PACRG: variants seen among roughly 807,000 people sequenced by gnomAD.
PACRG encodes parkin coregulated gene protein.
PACRG carries 29 observed loss-of-function variants against 29.7 expected under a neutral mutation model. That is an observed-to-expected ratio of 0.98 (90% CI 0.73 to 1.33). The LOEUF (loss-of-function observed/expected upper bound fraction) is 1.33, where lower values mean the gene tolerates loss of function less well. PACRG is among the 40% of genes most tolerant of loss of function. PACRG has a pLI of 0.00. For missense variants in PACRG, 279 were observed against 316.2 expected (o/e 0.88, Z 0.89); for synonymous variants, 116 against 118.7 (o/e 0.98, Z 0.15).
intron 2 of PACRG, among the ~76,000 whole-genome samples, chr6:162,974,466 A>G (rs1463567833): frequency 6.6e-6 from 1 of 152,200 alleles, no homozygotes; most frequent in Non-Finnish European, 1.5e-5. Flanking sequence ...TCTTTATAGT[A>G]CTTTAAGAAT....
chr6:163,067,269 G>C (rs1187705338), intron 3 of PACRG, among the ~76,000 whole-genome samples: 1 of 152,206 alleles, frequency 6.6e-6, no homozygotes, highest in African/African-American at 2.4e-5. Flanking sequence ...TGTTGCTGCC[G>C]GGCTGAGGCA....
intron 2 of PACRG, among the ~76,000 whole-genome samples, chr6:162,823,607 G>A (rs1205169437): frequency 1.3e-5 from 2 of 151,564 alleles, no homozygotes; most frequent in Non-Finnish European, 2.9e-5. Context: ...CACCTCCTGG[G>A]TTCAAGCGAT....
chr6:162,857,780 T>G (rs1791527347), intron 2 of PACRG, among the ~76,000 whole-genome samples: 1 of 152,028 alleles, frequency 6.6e-6, no homozygotes, highest in East Asian at 1.9e-4. Flanking sequence ...TTTTTTTTTT[T>G]TAATTTAAGG....
chr6:162,970,608 G>T (rs1801449227), intron 2 of PACRG, among the ~76,000 whole-genome samples: 2 of 152,278 alleles, frequency 1.3e-5, no homozygotes, highest in East Asian at 1.9e-4. Context: ...TTAAGAAAAT[G>T]CTTCTCATTA....
intron 4 of PACRG, among the ~76,000 whole-genome samples, chr6:163,115,296 G>C (rs759779197): frequency 2.0e-5 from 3 of 152,140 alleles, no homozygotes; most frequent in Admixed American, 2.0e-4. Context: ...TTATCTGGGG[G>C]CATCGGGGAA....
chr6:162,814,904 A>G (rs952405014), intron 2 of PACRG, among the ~76,000 whole-genome samples: 5 of 152,162 alleles, frequency 3.3e-5, no homozygotes, highest in African/African-American at 4.8e-5. Flanking sequence ...TGTATTGCCT[A>G]ATGACTCCAT....
At chr6:163,226,113 A>G (rs986844295) in intron 4 of PACRG, among the ~76,000 whole-genome samples, 42 of 152,246 alleles carry the variant, frequency 2.8e-4, no homozygotes, top group Non-Finnish European at 4.4e-4. Context: ...AGTCACATAA[A>G]GACAAAAACT....
intron 4 of PACRG, among the ~76,000 whole-genome samples, chr6:163,267,310 C>T (rs922497276): frequency 1.3e-5 from 2 of 152,198 alleles, no homozygotes; most frequent in Admixed American, 6.5e-5. Flanking sequence ...TATCTTGGCT[C>T]ATTCATTTAC....
At chr6:163,131,315 C>CAAAAAAAAA (rs55958953) in intron 4 of PACRG, among the ~76,000 whole-genome samples, 3 of 136,188 alleles carry the variant, frequency 2.2e-5, no homozygotes, top group Admixed American at 7.4e-5. Flanking sequence ...CTGTCTCAAA[C>CAAAAAAAAA]AAAAAAAAAA....
At chr6:163,163,471 C>G (rs529116097) in intron 4 of PACRG, among the ~76,000 whole-genome samples, 416 of 152,254 alleles carry the variant, frequency 2.7e-3, no homozygotes, top group Non-Finnish European at 4.7e-3. Context: ...AGGGTTTTGC[C>G]ATGTTGGCCA....
At chr6:163,270,558 A>G (rs1783788582) in intron 4 of PACRG, among the ~76,000 whole-genome samples, 1 of 151,480 alleles carries the variant, frequency 6.6e-6, no homozygotes, top group Non-Finnish European at 1.5e-5. Context: ...TATTTCTTGT[A>G]TAAAGGGATC....
chr6:163,242,927 A>C (rs553576033), intron 4 of PACRG, among the ~76,000 whole-genome samples: 1 of 152,384 alleles, frequency 6.6e-6, no homozygotes, highest in Non-Finnish European at 1.5e-5. Flanking sequence ...TGCAAAATGC[A>C]GTTGAAATGA....
chr6:162,965,331 A>G (rs1455591607), intron 2 of PACRG, among the ~76,000 whole-genome samples: 1 of 152,214 alleles, frequency 6.6e-6, no homozygotes, highest in Non-Finnish European at 1.5e-5. Context: ...TTTGGTTGCT[A>G]TAAAAAATAC....
intron 2 of PACRG, among the ~76,000 whole-genome samples, chr6:162,837,280 G>A (rs1452792815): frequency 3.3e-5 from 5 of 152,106 alleles, no homozygotes; most frequent in African/African-American, 9.7e-5. Flanking sequence ...AAAGAACACC[G>A]AGTATATATG....
chr6:163,013,865 T>C (rs1273695002), intron 2 of PACRG, among the ~76,000 whole-genome samples: 2 of 151,432 alleles, frequency 1.3e-5, no homozygotes, highest in Non-Finnish European at 2.9e-5. Context: ...TTTTGAGGTT[T>C]TTTTTTTTTT....
chr6:162,800,127 G>A (rs1354064587), intron 1 of PACRG, among the ~76,000 whole-genome samples: 1 of 152,164 alleles, frequency 6.6e-6, no homozygotes, highest in Non-Finnish European at 1.5e-5. Context: ...GACTCTCGGA[G>A]ACAAGTTGAA....
intron 2 of PACRG, among the ~76,000 whole-genome samples, chr6:162,897,479 G>A (rs896723071): frequency 6.6e-6 from 1 of 152,182 alleles, no homozygotes; most frequent in Non-Finnish European, 1.5e-5. Flanking sequence ...ATCCCAGCTG[G>A]TATAGAGATT....
chr6:162,957,278 T>C, intron 2 of PACRG: 1 of 542,216 alleles, frequency 1.8e-6, no homozygotes, highest in South Asian at 1.8e-5. Flanking sequence ...TTCACAATGA[T>C]TTTCTGCTCC....
At chr6:163,226,475 T>C (rs765356641) in intron 4 of PACRG, among the ~76,000 whole-genome samples, 3 of 152,226 alleles carry the variant, frequency 2.0e-5, no homozygotes, top group African/African-American at 7.2e-5. Flanking sequence ...TAAATGTATA[T>C]AGTTTTTATT....
Sources: gnomAD v4.1 joint callset for allele counts (sites outside exome capture counted in the v4.1 genomes callset) on GRCh38, gnomAD v4.1.1 for gene constraint, MANE v1.5 for transcripts, NCBI Gene and HGNC (gene_info 2026-07-23, HGNC 2026-07-21) for gene names.